The following CAB39L variants were observed in gnomAD, a reference collection of about 807,000 sequenced individuals.
The protein encoded by CAB39L is calcium-binding protein 39-like.
Under a neutral mutation model 39.1 loss-of-function variants are expected in CAB39L, and 23 were observed. The ratio of observed to expected loss-of-function variants is 0.59; its 90% CI spans 0.42 to 0.83. The LOEUF (loss-of-function observed/expected upper bound fraction) is 0.83, where lower values mean the gene tolerates loss of function less well. Among genes scored for constraint, CAB39L ranks in the 40% least tolerant of loss-of-function variants. CAB39L has a pLI of 0.00. For synonymous variants in CAB39L, 126 were observed against 137.2 expected (o/e 0.92, Z 0.57); for missense variants, 366 against 391.9 (o/e 0.93, Z 0.56).
rs183549508 is a variant in CAB39L at position 49,418,852 on chromosome 13, C to A, written c.-32+14466G>T. On this transcript the variant is annotated intron_variant, in intron 3 of 10. Coordinates refer to ENST00000409308, the MANE Select transcript of CAB39L (RefSeq NM_001079670.3). ...CTGGAATTACAGACATGAGCCACCA[C>A]GCCCAGCCAAGCAAACATATTTTAA... Among the ~76,000 whole-genome samples, 7 of 152,190 alleles carry A rather than the reference C, an allele frequency of 4.6e-5. No homozygotes were observed. The South Asian group carries it at 1.2e-3, about 27-fold the overall frequency.
intron 7 of CAB39L, among the ~76,000 whole-genome samples, chr13:49,345,026 T>A (rs1037454531): frequency 1.3e-5 from 2 of 152,188 alleles, no homozygotes; most frequent in Admixed American, 1.3e-4. Flanking sequence ...CTTCAACTCA[T>A]ACCTAAATTA....
intron 10 of CAB39L, among the ~76,000 whole-genome samples, chr13:49,328,122 C>A: frequency 6.6e-6 from 1 of 152,164 alleles, no homozygotes; most frequent in South Asian, 2.1e-4. Flanking sequence ...CTCTAAGAAA[C>A]TGCTTAGAAA....
At chr13:49,443,849 T>G (rs1166069913) in intron 1 of CAB39L, 137 bp downstream of exon 1, 11 of 433,498 alleles carry the variant, frequency 2.5e-5, no homozygotes, top group Non-Finnish European at 4.6e-5. Context: ...AGGAAGGCGC[T>G]GGGTCTCCTC....
chr13:49,443,615 G>C (rs1435032626), intron 1 of CAB39L, among the ~76,000 whole-genome samples: 1 of 152,154 alleles, frequency 6.6e-6, no homozygotes, highest in Non-Finnish European at 1.5e-5. Context: ...AAAGGGGGTT[G>C]ATGGTCAGAA....
chr13:49,314,052 G>GAGCT, intron 10 of CAB39L, among the ~76,000 whole-genome samples: 1 of 152,296 alleles, frequency 6.6e-6, no homozygotes, highest in Non-Finnish European at 1.5e-5. Context: ...GGCGGCATGA[G>GAGCT]AGCTAGTCCA....
intron 3 of CAB39L, among the ~76,000 whole-genome samples, chr13:49,389,124 G>A (rs1956433645): frequency 6.6e-6 from 1 of 152,156 alleles, no homozygotes; most frequent in Non-Finnish European, 1.5e-5. Context: ...TTGGTGGGAA[G>A]GTGAATTAGA....
At chr13:49,372,932 CAA>C (rs1198095882) in intron 5 of CAB39L, among the ~76,000 whole-genome samples, 1 of 152,166 alleles carries the variant, frequency 6.6e-6, no homozygotes, top group African/African-American at 2.4e-5. Context: ...CTCGGCCTCC[CAA>C]AGTGCTGGGA....
At chr13:49,341,907 T>TAAAACAAATA (rs940342811) in intron 8 of CAB39L, among the ~76,000 whole-genome samples, 2 of 152,200 alleles carry the variant, frequency 1.3e-5, no homozygotes, top group Non-Finnish European at 2.9e-5. Context: ...ATTTTACACT[T>TAAAACAAATA]AAAACAAATA....
intron 10 of CAB39L, among the ~76,000 whole-genome samples, chr13:49,313,995 C>T (rs11619804): frequency 1.3e-5 from 2 of 151,916 alleles, no homozygotes; most frequent in South Asian, 2.1e-4. Flanking sequence ...CAGGAGGTGG[C>T]GATGACATTA....
intron 10 of CAB39L, among the ~76,000 whole-genome samples, chr13:49,312,661 C>T (rs188519076): frequency 2.0e-5 from 3 of 152,312 alleles, no homozygotes; most frequent in East Asian, 1.9e-4. Flanking sequence ...TGCTGTTAAG[C>T]GCCACAGGCC....
In CAB39L at chr13:49,405,257, C is replaced by A. The variant is rs150587234; in HGVS notation, c.-31-22316G>T. On this transcript the variant is annotated intron_variant, in intron 3 of 10. Coordinates refer to ENST00000409308, the MANE Select transcript of CAB39L (RefSeq NM_001079670.3). ...ATTTCTCAGTGGAAACATCACAGGCCAGGAAAGAGCAGTAAGACATATTTG... is the reference window on the plus strand; with the variant it reads ...ATTTCTCAGTGGAAACATCACAGGCAAGGAAAGAGCAGTAAGACATATTTG... Among the ~76,000 whole-genome samples, 5 of 151,100 alleles carry A rather than the reference C, an allele frequency of 3.3e-5. No individual in the cohort carries two copies. In the East Asian group the frequency reaches 7.8e-4, roughly 23 times the overall value.
intron 4 of CAB39L, among the ~76,000 whole-genome samples, chr13:49,380,869 T>C (rs1292285604): frequency 6.6e-6 from 1 of 152,160 alleles, no homozygotes; most frequent in Non-Finnish European, 1.5e-5. Flanking sequence ...GATGCAACTT[T>C]TGTTATTTAT....
At chr13:49,370,770 A>G (rs758250147) in intron 5 of CAB39L, among the ~76,000 whole-genome samples, 2 of 152,238 alleles carry the variant, frequency 1.3e-5, no homozygotes, top group Non-Finnish European at 2.9e-5. Context: ...ATTACAAACA[A>G]TTAACAGGTT....
intron 3 of CAB39L, among the ~76,000 whole-genome samples, chr13:49,418,026 G>C (rs2138703122): frequency 6.6e-6 from 1 of 152,160 alleles, no homozygotes; most frequent in African/African-American, 2.4e-5. Context: ...GCCACCGTAT[G>C]ACCCAGCAAT....
At chr13:49,443,456 G>A (rs959407213) in intron 1 of CAB39L, among the ~76,000 whole-genome samples, 7 of 152,034 alleles carry the variant, frequency 4.6e-5, no homozygotes, top group Non-Finnish European at 8.8e-5. Context: ...TAACCCCCGC[G>A]AAGAGCAAAC....
intron 3 of CAB39L, among the ~76,000 whole-genome samples, chr13:49,431,278 C>T (rs1166209679): frequency 2.6e-5 from 4 of 152,130 alleles, no homozygotes; most frequent in African/African-American, 7.2e-5. Flanking sequence ...TTTCACATAG[C>T]GTAATTGTTC....
At chr13:49,359,408 C>A (rs916399242) in intron 6 of CAB39L, among the ~76,000 whole-genome samples, 3 of 151,896 alleles carry the variant, frequency 2.0e-5, no homozygotes, top group Non-Finnish European at 4.4e-5. Flanking sequence ...GGTAAGTGGG[C>A]AGCTAGGAAT....
intron 1 of CAB39L, among the ~76,000 whole-genome samples, chr13:49,439,265 T>C (rs1957464215): frequency 6.6e-6 from 1 of 152,174 alleles, no homozygotes; most frequent in Non-Finnish European, 1.5e-5. Flanking sequence ...CCTGAAAACA[T>C]AGAAAGAGGT....
chr13:49,347,575 C>T (rs961167735), intron 7 of CAB39L, among the ~76,000 whole-genome samples: 3 of 152,126 alleles, frequency 2.0e-5, no homozygotes, highest in African/African-American at 4.8e-5. Context: ...TATTAGCAAA[C>T]ACCTCCTTAG....
Sources: allele counts gnomAD v4.1 joint callset (sites outside exome capture counted in the v4.1 genomes callset), GRCh38; gene constraint gnomAD v4.1.1; transcripts MANE v1.5; gene names NCBI Gene and HGNC (gene_info 2026-07-23, HGNC 2026-07-21).